KCNIP1: variants seen among roughly 807,000 people sequenced by gnomAD.
The protein encoded by KCNIP1 is A-type potassium channel modulatory protein KCNIP1.
A neutral mutation model predicts 33.0 loss-of-function variants in KCNIP1; 18 were observed. The observed-to-expected ratio is 0.55, with a 90% confidence interval of 0.38 to 0.81. The LOEUF (loss-of-function observed/expected upper bound fraction) is 0.81. Among genes scored for constraint, KCNIP1 ranks in the 30% least tolerant of loss-of-function variants. The probability of loss-of-function intolerance (pLI) is 0.00; values close to 1 mark genes in which losing one functional copy is unlikely to be tolerated. For synonymous variants in KCNIP1, 93 were observed against 98.3 expected (o/e 0.95, Z 0.32); for missense variants, 238 against 271.6 (o/e 0.88, Z 0.87).
intron 1 of KCNIP1, chr5:170,383,908 C>T: frequency 6.4e-7 from 1 of 1,569,194 alleles, no homozygotes; most frequent in South Asian, 1.2e-5. Flanking sequence ...ACACACAGAA[C>T]ACCCATTTGA....
intron 1 of KCNIP1, among the ~76,000 whole-genome samples, chr5:170,495,741 G>A (rs1757297580): frequency 6.6e-6 from 1 of 152,228 alleles, no homozygotes; most frequent in Non-Finnish European, 1.5e-5. Flanking sequence ...GAATGCCGCA[G>A]CTCAAATGTG....
chr5:170,441,926 T>C (rs1341320485), intron 1 of KCNIP1, among the ~76,000 whole-genome samples: 2 of 122,374 alleles, frequency 1.6e-5, no homozygotes, highest in African/African-American at 6.5e-5. Context: ...CACTCCAGCC[T>C]GGGTGACAGA....
intron 1 of KCNIP1, among the ~76,000 whole-genome samples, chr5:170,583,886 A>T (rs1186282847): frequency 6.6e-6 from 1 of 152,132 alleles, no homozygotes; most frequent in Non-Finnish European, 1.5e-5. Context: ...GTACATATTT[A>T]TGGGGTTCAT....
intron 1 of KCNIP1, among the ~76,000 whole-genome samples, chr5:170,579,300 A>G (rs542762982): frequency 6.6e-6 from 1 of 152,330 alleles, no homozygotes; most frequent in East Asian, 1.9e-4. Flanking sequence ...AGAATATAGC[A>G]TTTAGGGCCT....
At chr5:170,439,772 C>T (rs1755946882) in intron 1 of KCNIP1, among the ~76,000 whole-genome samples, 1 of 152,224 alleles carries the variant, frequency 6.6e-6, no homozygotes, top group South Asian at 2.1e-4. Flanking sequence ...CAGCCCACAA[C>T]TCAGTCATGG....
chr5:170,451,538 A>C (rs1756250557), intron 1 of KCNIP1, among the ~76,000 whole-genome samples: 1 of 151,738 alleles, frequency 6.6e-6, no homozygotes, highest in Non-Finnish European at 1.5e-5. Flanking sequence ...TCTTTGGCTA[A>C]AGGGCATTGA....
chr5:170,576,283 C>A (rs1321581623), intron 1 of KCNIP1, among the ~76,000 whole-genome samples: 3 of 152,200 alleles, frequency 2.0e-5, no homozygotes, highest in African/African-American at 7.2e-5. Flanking sequence ...AACCTCAGGG[C>A]AGTCAGAATG....
intron 1 of KCNIP1, among the ~76,000 whole-genome samples, chr5:170,648,907 C>G (rs1344572912): frequency 6.6e-6 from 1 of 152,014 alleles, no homozygotes; most frequent in Non-Finnish European, 1.5e-5. Context: ...TTGCAGTGAG[C>G]CTAAAACTAC....
chr5:170,717,540 C>T (rs762870466), intron 1 of KCNIP1, among the ~76,000 whole-genome samples: 4 of 152,210 alleles, frequency 2.6e-5, no homozygotes, highest in Admixed American at 6.5e-5. Context: ...CTCACACGAA[C>T]ATCCATCACC....
intron 1 of KCNIP1, among the ~76,000 whole-genome samples, chr5:170,550,612 A>T (rs1006420230): frequency 6.6e-6 from 1 of 151,780 alleles, no homozygotes; most frequent in African/African-American, 2.4e-5. Flanking sequence ...GATGGTGATG[A>T]CAATGATGGT....
chr5:170,474,678 G>T, intron 1 of KCNIP1, among the ~76,000 whole-genome samples: 1 of 152,224 alleles, frequency 6.6e-6, no homozygotes, highest in Middle Eastern at 3.4e-3. Context: ...GTTCAGAGAG[G>T]GTAAGTGACT....
chr5:170,473,719 C>G (rs191647264), intron 1 of KCNIP1, among the ~76,000 whole-genome samples: 5 of 152,108 alleles, frequency 3.3e-5, no homozygotes, highest in African/African-American at 1.2e-4. Flanking sequence ...ATCCACAAAG[C>G]CCCCCTCTAT....
At chr5:170,574,924 GTTGTTTGT>G (rs897219075) in intron 1 of KCNIP1, among the ~76,000 whole-genome samples, 9 of 152,202 alleles carry the variant, frequency 5.9e-5, no homozygotes, top group Non-Finnish European at 1.0e-4. Context: ...GCCAGGGTTT[GTTGTTTGT>G]TTGTTTGTTT....
chr5:170,722,008 G>A (rs1763842656), intron 4 of KCNIP1, 105 bp downstream of exon 4: 2 of 1,315,466 alleles, frequency 1.5e-6, no homozygotes, highest in African/African-American at 2.9e-5. Context: ...AAAGCTCTCA[G>A]TCAGACCAAA....
At chr5:170,616,520 CCTT>C (rs988199178) in intron 1 of KCNIP1, among the ~76,000 whole-genome samples, 1 of 152,142 alleles carries the variant, frequency 6.6e-6, no homozygotes, top group African/African-American at 2.4e-5. Flanking sequence ...GGAAGGAAGG[CCTT>C]GCAGGGGCTG....
chr5:170,538,479 A>G (rs998694156), intron 1 of KCNIP1, among the ~76,000 whole-genome samples: 1 of 152,034 alleles, frequency 6.6e-6, no homozygotes, highest in African/African-American at 2.4e-5. Context: ...TCATCACACC[A>G]GGCTTGTGGC....
intron 1 of KCNIP1, among the ~76,000 whole-genome samples, chr5:170,388,454 G>T (rs924441664): frequency 6.6e-6 from 1 of 152,220 alleles, no homozygotes; most frequent in Non-Finnish European, 1.5e-5. Context: ...CAGTTAGACT[G>T]TAAGAAGAAC....
intron 1 of KCNIP1, among the ~76,000 whole-genome samples, chr5:170,448,892 T>G (rs1756181315): frequency 6.6e-6 from 1 of 152,210 alleles, no homozygotes; most frequent in African/African-American, 2.4e-5. Flanking sequence ...ACAAGGTAAT[T>G]GTTCCCGTAT....
At chr5:170,514,814 CTG>C (rs1359862967) in intron 1 of KCNIP1, among the ~76,000 whole-genome samples, 2 of 152,232 alleles carry the variant, frequency 1.3e-5, no homozygotes, top group African/African-American at 4.8e-5. Context: ...ATGCCAAGGA[CTG>C]TGCAAGGTGT....
Sources: gnomAD v4.1 joint callset for allele counts (sites outside exome capture counted in the v4.1 genomes callset) on GRCh38, gnomAD v4.1.1 for gene constraint, MANE v1.5 for transcripts, NCBI Gene and HGNC (gene_info 2026-07-23, HGNC 2026-07-21) for gene names.